EPB41L3: variants seen among roughly 807,000 people sequenced by gnomAD.
The protein encoded by EPB41L3 is band 4.1-like protein 3.
EPB41L3 carries 57 observed loss-of-function variants against 127.1 expected under a neutral mutation model. That is an observed-to-expected ratio of 0.45 (90% CI 0.36 to 0.56). EPB41L3 has a LOEUF of 0.56. Among genes scored for constraint, EPB41L3 ranks in the 20% least tolerant of loss-of-function variants. EPB41L3 has a pLI of 0.00. For missense variants in EPB41L3, 1,273 were observed against 1,372.2 expected, an observed-to-expected ratio of 0.93 and a Z score of 1.14; for synonymous variants, 572 against 549.5, an observed-to-expected ratio of 1.04 and a Z score of -0.57.
At position 5,392,574 on chromosome 18, in the gene EPB41L3, G is replaced by A. The variant is rs1479209401; in HGVS notation, c.*911C>T. ...TGGCTCTGAACTAGAATGTAAATATGGACCAGATTTGAAAATAAAACACTT... is the reference window on the plus strand; with the variant it reads ...TGGCTCTGAACTAGAATGTAAATATAGACCAGATTTGAAAATAAAACACTT... On this transcript the variant is annotated 3_prime_UTR_variant, in exon 23 of 23. Coordinates refer to ENST00000341928, the MANE Select transcript of EPB41L3 (RefSeq NM_012307.5). 2 of 152,406 alleles carry A rather than the reference G, an allele frequency of 1.3e-5. No homozygotes were observed. The highest frequency in any genetic ancestry group is 2.4e-5 in the African/African-American group (1 of 41,376). The allele number at this position is 152,406 out of a possible 1,614,324, so 9.4% of individuals were successfully genotyped here. A position where few individuals can be genotyped will look rare whatever the true frequency, so the allele number is the denominator to read the frequency against.
At chr18:5,479,618 T>G (rs2088000520) in intron 2 of EPB41L3, 1 of 152,196 alleles carries the variant, frequency 6.6e-6, no homozygotes, top group South Asian at 2.1e-4. Context: ...CAATTCTATC[T>G]TGCCCAGGAT....
intron 1 of EPB41L3, among the ~76,000 whole-genome samples, chr18:5,521,069 G>A (rs775930583): frequency 2.0e-5 from 3 of 152,108 alleles, no homozygotes; most frequent in Non-Finnish European, 2.9e-5. Flanking sequence ...TGCATAAAAT[G>A]GTTCCTAAAT....
chr18:5,486,290 A>C (rs1345857743), intron 2 of EPB41L3, among the ~76,000 whole-genome samples: 5 of 151,900 alleles, frequency 3.3e-5, no homozygotes, highest in African/African-American at 4.8e-5. Flanking sequence ...GTATGAGACC[A>C]ATGAAATTAG....
At chr18:5,449,752 C>T (rs1289702370) in intron 3 of EPB41L3, among the ~76,000 whole-genome samples, 1 of 152,198 alleles carries the variant, frequency 6.6e-6, no homozygotes, top group African/African-American at 2.4e-5. Context: ...CCAACGACAT[C>T]AGTCTCCCAT....
intron 6 of EPB41L3, 34 bp from the exon 7 acceptor site, chr18:5,434,155 C>A (rs2079394860): frequency 6.3e-7 from 1 of 1,575,318 alleles, no homozygotes; most frequent in African/African-American, 1.4e-5. Context: ...ACAACGAAGG[C>A]AGCATGAGGA....
intron 3 of EPB41L3, among the ~76,000 whole-genome samples, chr18:5,596,288 G>C (rs561187891): frequency 6.6e-6 from 1 of 152,204 alleles, no homozygotes; most frequent in Non-Finnish European, 1.5e-5. Flanking sequence ...TGTAGGTCCT[G>C]GGGCCAAGGA....
intron 3 of EPB41L3, among the ~76,000 whole-genome samples, chr18:5,604,028 C>CACAA (rs59887687): frequency 0.86 from 129,862 of 151,872 alleles, 55,994 homozygotes; most frequent in East Asian, 0.92. Context: ...CACGTGCACA[C>CACAA]ACACACAGAC....
chr18:5,629,670 G>C (rs574600000), upstream of EPB41L3, among the ~76,000 whole-genome samples: 37 of 152,254 alleles, frequency 2.4e-4, no homozygotes, highest in African/African-American at 8.7e-4. Context: ...CTAGCGGTTC[G>C]AGCTGCAGGG....
chr18:5,402,284 CT>C (rs796566366), intron 16 of EPB41L3, among the ~76,000 whole-genome samples: 1,675 of 145,428 alleles, frequency 0.012, 11 homozygotes, highest in Non-Finnish European at 0.019. Flanking sequence ...GTTTCTTTTC[CT>C]TTTTTTTTTG....
chr18:5,517,049 G>A (rs1278609791), intron 1 of EPB41L3, among the ~76,000 whole-genome samples: 1 of 152,144 alleles, frequency 6.6e-6, no homozygotes, highest in Non-Finnish European at 1.5e-5. Flanking sequence ...AGCTGTCAGG[G>A]AGGAGGACTA....
At chr18:5,534,339 C>T (rs1172862590) in intron 1 of EPB41L3, among the ~76,000 whole-genome samples, 3 of 152,156 alleles carry the variant, frequency 2.0e-5, no homozygotes, top group Admixed American at 6.5e-5. Context: ...GTCATTAAGA[C>T]AAAAGTCGTT....
At chr18:5,536,142 A>T (rs185598036) in intron 1 of EPB41L3, among the ~76,000 whole-genome samples, 5 of 152,290 alleles carry the variant, frequency 3.3e-5, no homozygotes, top group East Asian at 3.9e-4. Flanking sequence ...ATCTAAATTT[A>T]AAAAAGTCAG....
At chr18:5,407,281 A>AT in intron 15 of EPB41L3, 1 of 405,200 alleles carries the variant, frequency 2.5e-6, no homozygotes, top group Admixed American at 4.1e-5. Context: ...AAAGGGATCT[A>AT]TATCTAGGAG....
chr18:5,463,309 A>G (rs1448024268), intron 3 of EPB41L3, among the ~76,000 whole-genome samples: 2 of 152,204 alleles, frequency 1.3e-5, no homozygotes, highest in Admixed American at 1.3e-4. Flanking sequence ...CCCTATTGTG[A>G]CAGGCAGAAT....
At chr18:5,515,754 A>G (rs1335714383) in intron 1 of EPB41L3, among the ~76,000 whole-genome samples, 1 of 152,232 alleles carries the variant, frequency 6.6e-6, no homozygotes, top group African/African-American at 2.4e-5. Flanking sequence ...AAATTGGAGT[A>G]ACTCTTTAAA....
intron 3 of EPB41L3, chr18:5,610,251 G>T (rs555123094): frequency 1.0e-6 from 1 of 985,160 alleles, no homozygotes; most frequent in South Asian, 4.7e-5. Context: ...AAAAGAGAGA[G>T]AAAAAAATAC....
intron 16 of EPB41L3, among the ~76,000 whole-genome samples, chr18:5,401,231 A>T (rs1299483649): frequency 6.6e-6 from 1 of 152,162 alleles, no homozygotes; most frequent in East Asian, 1.9e-4. Flanking sequence ...ATGATCTGAA[A>T]CTACCTCAAA....
intron 14 of EPB41L3, among the ~76,000 whole-genome samples, chr18:5,409,682 A>G (rs2075949851): frequency 6.8e-6 from 1 of 147,326 alleles, no homozygotes; most frequent in African/African-American, 2.5e-5. Context: ...TAAATACCAA[A>G]CTAGAAAATA....
intron 3 of EPB41L3, among the ~76,000 whole-genome samples, chr18:5,455,231 C>G (rs896614559): frequency 6.6e-6 from 1 of 151,792 alleles, no homozygotes; most frequent in African/African-American, 2.4e-5. Flanking sequence ...GACTGATGTA[C>G]TATTAAAATC....
Sources: gnomAD v4.1 joint callset for allele counts (sites outside exome capture counted in the v4.1 genomes callset) on GRCh38, gnomAD v4.1.1 for gene constraint, MANE v1.5 for transcripts, NCBI Gene and HGNC (gene_info 2026-07-23, HGNC 2026-07-21) for gene names.